The following TENM4 variants were observed in gnomAD, a reference collection of about 807,000 sequenced individuals.
TENM4 encodes the protein teneurin-4.
In TENM4, 82 loss-of-function variants were observed where a neutral mutation model predicts 243.3. The ratio of observed to expected loss-of-function variants is 0.34; its 90% CI spans 0.28 to 0.40. TENM4 has a LOEUF of 0.40. TENM4 is among the 10% of genes least tolerant of loss of function. TENM4 has a pLI of 1.00. For missense variants in TENM4, 3,138 were observed against 3,673.3 expected (o/e 0.85, Z 3.77); for synonymous variants, 1,412 against 1,456.3 (o/e 0.97, Z 0.69).
intron 1 of TENM4, among the ~76,000 whole-genome samples, chr11:79,436,350 T>C (rs1555070117): frequency 6.6e-6 from 1 of 151,246 alleles, no homozygotes; most frequent in Non-Finnish European, 1.5e-5. Flanking sequence ...GACTGGATCA[T>C]AAAAAAAAAC....
intron 2 of TENM4, among the ~76,000 whole-genome samples, chr11:79,231,451 T>C (rs79960170): frequency 1.4e-3 from 220 of 152,226 alleles, no homozygotes; most frequent in African/African-American, 5.1e-3. Context: ...AAGGCAGTCA[T>C]TGAAGAGTAT....
At chr11:79,212,258 A>G (rs1863969077) in intron 3 of TENM4, among the ~76,000 whole-genome samples, 1 of 152,188 alleles carries the variant, frequency 6.6e-6, no homozygotes, top group Non-Finnish European at 1.5e-5. Flanking sequence ...GCTCTGAGGC[A>G]CGGGCCATCA....
chr11:79,050,218 C>A (rs1380028438), intron 6 of TENM4, among the ~76,000 whole-genome samples: 2 of 152,166 alleles, frequency 1.3e-5, no homozygotes, highest in African/African-American at 4.8e-5. Context: ...GCTGCCAGAG[C>A]AGACTCTTGA....
intron 4 of TENM4, among the ~76,000 whole-genome samples, chr11:79,129,733 C>T (rs749850646): frequency 6.6e-6 from 1 of 152,128 alleles, no homozygotes; most frequent in Non-Finnish European, 1.5e-5. Flanking sequence ...CAGCAAGACC[C>T]ACCCAAGGAG....
chr11:78,888,819 G>T (rs1447880683), intron 9 of TENM4, among the ~76,000 whole-genome samples: 1 of 152,158 alleles, frequency 6.6e-6, no homozygotes, highest in Non-Finnish European at 1.5e-5. Flanking sequence ...TCCTTAGCAT[G>T]GGTTCGAGGC....
intron 2 of TENM4, among the ~76,000 whole-genome samples, chr11:79,233,733 C>A (rs1416765790): frequency 6.6e-6 from 1 of 152,120 alleles, no homozygotes; most frequent in Non-Finnish European, 1.5e-5. Context: ...GTATTCCTAC[C>A]CCACCTCCAG....
chr11:79,117,536 G>C (rs1480985887), intron 4 of TENM4, among the ~76,000 whole-genome samples: 1 of 152,178 alleles, frequency 6.6e-6, no homozygotes, highest in Non-Finnish European at 1.5e-5. Context: ...ACATGACCTT[G>C]GCTTCATCAA....
At chr11:79,362,231 C>T (rs1014522495) in intron 1 of TENM4, among the ~76,000 whole-genome samples, 3 of 152,300 alleles carry the variant, frequency 2.0e-5, no homozygotes, top group South Asian at 4.1e-4. Flanking sequence ...CTGAGTTTTG[C>T]ACCATTTCAC....
At chr11:79,089,902 C>T (rs1477143508) in intron 4 of TENM4, among the ~76,000 whole-genome samples, 1 of 152,182 alleles carries the variant, frequency 6.6e-6, no homozygotes, top group Non-Finnish European at 1.5e-5. Flanking sequence ...TGCTCTACAT[C>T]ACAGCACTTC....
At chr11:78,715,491 T>C (rs977569119) in intron 25 of TENM4, among the ~76,000 whole-genome samples, 3 of 152,146 alleles carry the variant, frequency 2.0e-5, no homozygotes, top group Non-Finnish European at 2.9e-5. Context: ...GTGTCACTCA[T>C]GTGGAGTTTC....
chr11:79,422,886 C>G (rs557935770), intron 1 of TENM4, among the ~76,000 whole-genome samples: 1 of 152,256 alleles, frequency 6.6e-6, no homozygotes, highest in African/African-American at 2.4e-5. Context: ...TGCTTGTCAC[C>G]TCTACATTTT....
chr11:79,247,262 CA>C (rs1459993898), intron 2 of TENM4, among the ~76,000 whole-genome samples: 2 of 151,690 alleles, frequency 1.3e-5, no homozygotes, highest in African/African-American at 2.4e-5. Context: ...ACTAAAAATA[CA>C]AAAATTAGCC....
intron 31 of TENM4, among the ~76,000 whole-genome samples, chr11:78,671,593 G>A (rs191150817): frequency 6.6e-6 from 1 of 152,326 alleles, no homozygotes; most frequent in African/African-American, 2.4e-5. Context: ...TCTGATGCTA[G>A]AGCAGAATAG....
At chr11:78,935,299 C>T (rs1856760702) in intron 6 of TENM4, among the ~76,000 whole-genome samples, 1 of 152,064 alleles carries the variant, frequency 6.6e-6, no homozygotes, top group African/African-American at 2.4e-5. Context: ...GCGTGAGCCA[C>T]CGCGCCTGGC....
intron 6 of TENM4, among the ~76,000 whole-genome samples, chr11:78,982,678 G>A (rs1857827057): frequency 6.6e-6 from 1 of 152,164 alleles, no homozygotes; most frequent in Non-Finnish European, 1.5e-5. Context: ...ATCCAGCCAG[G>A]CCTGTACTTA....
At chr11:78,875,232 A>AT (rs960566760) in intron 9 of TENM4, among the ~76,000 whole-genome samples, 21 of 150,990 alleles carry the variant, frequency 1.4e-4, no homozygotes, top group African/African-American at 4.4e-4. Flanking sequence ...AGTTTCTTTC[A>AT]TTTTTTTTTC....
At chr11:79,291,154 C>G (rs923680664) in intron 2 of TENM4, among the ~76,000 whole-genome samples, 2 of 152,062 alleles carry the variant, frequency 1.3e-5, no homozygotes, top group African/African-American at 4.8e-5. Context: ...CCCACATAGC[C>G]ATGTGGATTG....
At chr11:78,839,630 T>G (rs1251163592) in intron 12 of TENM4, among the ~76,000 whole-genome samples, 1 of 152,218 alleles carries the variant, frequency 6.6e-6, no homozygotes, top group Non-Finnish European at 1.5e-5. Flanking sequence ...ATGTCATATC[T>G]TATCTTGGAC....
chr11:78,728,534 C>T (rs1855576841), intron 22 of TENM4, among the ~76,000 whole-genome samples: 1 of 151,582 alleles, frequency 6.6e-6, no homozygotes, highest in Non-Finnish European at 1.5e-5. Flanking sequence ...CGCCTCCTTC[C>T]CTCCCTCTCT....
Sources: gnomAD v4.1 joint callset for allele counts (sites outside exome capture counted in the v4.1 genomes callset) on GRCh38, gnomAD v4.1.1 for gene constraint, MANE v1.5 for transcripts, NCBI Gene and HGNC (gene_info 2026-07-23, HGNC 2026-07-21) for gene names.